The following CYP19A1 variants were observed in gnomAD, a reference collection of about 807,000 sequenced individuals.
The protein encoded by CYP19A1 is aromatase.
A neutral mutation model predicts 44.4 loss-of-function variants in CYP19A1; 32 were observed. That is an observed-to-expected ratio of 0.72 (90% CI 0.54 to 0.97). The LOEUF (loss-of-function observed/expected upper bound fraction) is 0.97, where lower values mean the gene tolerates loss of function less well. Among genes scored for constraint, CYP19A1 ranks in the 50% least tolerant of loss-of-function variants. The pLI is 0.00. For synonymous variants in CYP19A1, 212 were observed against 215.6 expected, an observed-to-expected ratio of 0.98 and a Z score of 0.14; for missense variants, 598 against 637.8, an observed-to-expected ratio of 0.94 and a Z score of 0.67.
At chr15:51,307,647 C>T (rs746322166) in intron 1 of CYP19A1, among the ~76,000 whole-genome samples, 70 of 152,096 alleles carry the variant, frequency 4.6e-4, no homozygotes, top group Non-Finnish European at 7.1e-4. Flanking sequence ...CATGGGCTCC[C>T]GTATATCATC....
chr15:51,241,673 G>T (rs1295583949), intron 2 of CYP19A1, among the ~76,000 whole-genome samples: 1 of 152,078 alleles, frequency 6.6e-6, no homozygotes, highest in Non-Finnish European at 1.5e-5. Context: ...CCATGAAACA[G>T]TTGTCCCTTA....
chr15:51,248,190 G>A (rs767199), intron 1 of CYP19A1, among the ~76,000 whole-genome samples: 56,679 of 152,094 alleles, frequency 0.37, 12,521 homozygotes, highest in Non-Finnish European at 0.5. Context: ...GAATGTGGAG[G>A]GTGGGGAATG....
At chr15:51,266,991 A>T (rs555196969) in intron 1 of CYP19A1, among the ~76,000 whole-genome samples, 42 of 152,320 alleles carry the variant, frequency 2.8e-4, no homozygotes, top group African/African-American at 9.9e-4. Context: ...AGAGGAAGTC[A>T]AAGAACAGGG....
chr15:51,255,239 C>T (rs2034470193), intron 1 of CYP19A1, among the ~76,000 whole-genome samples: 1 of 152,158 alleles, frequency 6.6e-6, no homozygotes, highest in African/African-American at 2.4e-5. Flanking sequence ...TAATTGGGGG[C>T]AAACGCTATT....
chr15:51,333,533 TAG>T (rs1346614480), intron 1 of CYP19A1, among the ~76,000 whole-genome samples: 1 of 152,238 alleles, frequency 6.6e-6, no homozygotes, highest in Non-Finnish European at 1.5e-5. Context: ...AGCACATGTT[TAG>T]GGTCCACAGT....
At chr15:51,239,724 C>A (rs755014531) in intron 2 of CYP19A1, among the ~76,000 whole-genome samples, 20 of 152,008 alleles carry the variant, frequency 1.3e-4, no homozygotes, top group Non-Finnish European at 2.5e-4. Context: ...CAAAGGCACA[C>A]GAGGAGCTTC....
intron 1 of CYP19A1, among the ~76,000 whole-genome samples, chr15:51,335,371 A>C (rs929924771): frequency 6.6e-6 from 1 of 152,194 alleles, no homozygotes; most frequent in African/African-American, 2.4e-5. Context: ...CAACGGAAGC[A>C]ATATCATCTA....
In CYP19A1 at chr15:51,304,890, C is replaced by CTTTTTTTTTTTTTTTTTTTTT. The variant is rs545247348; in HGVS notation, c.-39+33584_-39+33604dup. Among the ~76,000 whole-genome samples the CTTTTTTTTTTTTTTTTTTTTT allele has an allele frequency of 6.7e-5, 7 of 104,578 alleles. 1 individual carries two copies. The highest frequency in any genetic ancestry group is 2.9e-4 in the African/African-American group (6 of 20,872). 68.6% of individuals were successfully genotyped at this position (104,578 alleles called of 152,430 possible). A position where few individuals can be genotyped will look rare whatever the true frequency, so the allele number is the denominator to read the frequency against. On this transcript the variant is annotated intron_variant, in intron 1 of 9. Coordinates refer to ENST00000396402, the MANE Select transcript of CYP19A1 (RefSeq NM_000103.4). The stretch of plus-strand genomic sequence containing the variant: ...ATCCCTCAGGTAATTGTGTCTCTTC[C>CTTTTTTTTTTTTTTTTTTTTT]TTTTTTTTTTTTTTTTTTTTTTTTT...
chr15:51,309,581 G>A lies in CYP19A1; in HGVS notation c.-39+28914C>T, dbSNP rs145137827. 1.1e-4 allele frequency among the ~76,000 whole-genome samples: 16 copies of A among 152,276 alleles called. No homozygotes were observed. In the East Asian group the frequency reaches 2.9e-3, roughly 28 times the overall value. On this transcript the variant is annotated intron_variant, in intron 1 of 9. Transcript: ENST00000396402. The stretch of plus-strand genomic sequence containing the variant: ...TGTTCTCTAAGTCTATGTTTAGTAG[G>A]CAAGAAGACTGTTAAAAACAGGTAA...
chr15:51,258,918 A>G (rs574965619), intron 1 of CYP19A1, among the ~76,000 whole-genome samples: 2 of 152,378 alleles, frequency 1.3e-5, no homozygotes, highest in East Asian at 3.9e-4. Context: ...AGTGAATGCC[A>G]CTAATGACAC....
At chr15:51,331,179 A>G (rs747326166) in intron 1 of CYP19A1, among the ~76,000 whole-genome samples, 14 of 152,180 alleles carry the variant, frequency 9.2e-5, no homozygotes, top group Admixed American at 6.5e-4. Context: ...TAAAGCTGAC[A>G]TTGGAAATGG....
intron 3 of CYP19A1, among the ~76,000 whole-genome samples, chr15:51,229,757 T>G (rs1294406086): frequency 6.6e-6 from 1 of 152,202 alleles, no homozygotes; most frequent in Non-Finnish European, 1.5e-5. Context: ...AGAAATTAAG[T>G]AATTTATATA....
At chr15:51,323,299 G>T (rs2036556364) in intron 1 of CYP19A1, among the ~76,000 whole-genome samples, 1 of 152,138 alleles carries the variant, frequency 6.6e-6, no homozygotes, top group African/African-American at 2.4e-5. Flanking sequence ...CTCAGGTAGG[G>T]AGTAGCCACA....
At position 51,233,608 on chromosome 15, in the gene CYP19A1, C is replaced by T. The variant is rs537911267; in HGVS notation, c.296+3251G>A. ...TATTCACAGAATAAATGAAGGAAGC[C>T]CCTGTAAATGATGTGTAAATTTGCA... On this transcript the variant is annotated intron_variant, in intron 3 of 9. Coordinates refer to ENST00000396402, the MANE Select transcript of CYP19A1 (RefSeq NM_000103.4). 2.6e-5 allele frequency among the ~76,000 whole-genome samples: 4 copies of T among 152,028 alleles called. 1 individual carries two copies. The South Asian group carries it at 8.3e-4, about 32-fold the overall frequency.
intron 1 of CYP19A1, among the ~76,000 whole-genome samples, chr15:51,336,911 T>C (rs78150031): frequency 9.4e-5 from 6 of 63,754 alleles, no homozygotes; most frequent in East Asian, 1.3e-3. Context: ...ATTGATAGCT[T>C]TTTTTTTTTT....
intron 1 of CYP19A1, among the ~76,000 whole-genome samples, chr15:51,298,464 G>A (rs1271716794): frequency 6.6e-6 from 1 of 152,198 alleles, no homozygotes; most frequent in Non-Finnish European, 1.5e-5. Context: ...TAGGAATCAG[G>A]AAGAGTTGGC....
intron 1 of CYP19A1, among the ~76,000 whole-genome samples, chr15:51,307,514 C>A (rs1348697802): frequency 6.6e-6 from 1 of 152,150 alleles, no homozygotes. Flanking sequence ...AAAAATTAGT[C>A]ATGTCTGGCA....
At chr15:51,217,697 A>G (rs1346513002) in intron 6 of CYP19A1, among the ~76,000 whole-genome samples, 1 of 152,176 alleles carries the variant, frequency 6.6e-6, no homozygotes, top group Non-Finnish European at 1.5e-5. Flanking sequence ...AGAAACTAAC[A>G]TATTTAGTAC....
At chr15:51,238,241 ATGAC>A (rs2033532209) in intron 2 of CYP19A1, among the ~76,000 whole-genome samples, 2 of 152,242 alleles carry the variant, frequency 1.3e-5, no homozygotes, top group Admixed American at 6.5e-5. Context: ...TATACAGTAG[ATGAC>A]TGACTTTGTA....
Sources: gnomAD v4.1 joint callset for allele counts (sites outside exome capture counted in the v4.1 genomes callset) on GRCh38, gnomAD v4.1.1 for gene constraint, MANE v1.5 for transcripts, NCBI Gene and HGNC (gene_info 2026-07-23, HGNC 2026-07-21) for gene names.